Variants in ARHGAP24 observed in about 807,000 individuals in gnomAD.
ARHGAP24 encodes the protein Rho GTPase activating protein 24, also known as rho GTPase-activating protein 24.
ARHGAP24 carries 50 observed loss-of-function variants against 76.4 expected under a neutral mutation model. The ratio of observed to expected loss-of-function variants is 0.65; its 90% confidence interval spans 0.52 to 0.83. The LOEUF (loss-of-function observed/expected upper bound fraction) is 0.83, where lower values mean the gene tolerates loss of function less well. Ranked by LOEUF, ARHGAP24 falls within the 40% of genes least tolerant of loss-of-function variation. ARHGAP24 has a pLI of 0.00. For missense variants in ARHGAP24, 930 were observed against 914.2 expected (o/e 1.02, Z -0.22); for synonymous variants, 345 against 323.3 (o/e 1.07, Z -0.72).
chr4:85,997,307 T>TGATA (rs902963720), intron 9 of ARHGAP24, among the ~76,000 whole-genome samples: 10 of 147,998 alleles, frequency 6.8e-5, no homozygotes, highest in East Asian at 4.0e-4. Context: ...GGTAGGTAGA[T>TGATA]GATAGATAGA....
At chr4:85,770,152 AAG>A (rs1289310464) in intron 3 of ARHGAP24, among the ~76,000 whole-genome samples, 1 of 152,206 alleles carries the variant, frequency 6.6e-6, no homozygotes, top group African/African-American at 2.4e-5. Context: ...AATACAGACC[AAG>A]GAAGGGCCTC....
intron 5 of ARHGAP24, among the ~76,000 whole-genome samples, chr4:85,943,788 C>T (rs1737088340): frequency 6.6e-6 from 1 of 151,606 alleles, no homozygotes. Context: ...AGGACATGAA[C>T]TCATCCTTTT....
chr4:85,663,180 C>T lies in ARHGAP24; in HGVS notation c.181-58705C>T, dbSNP rs962892165. ...GAATGTTCTTCCATTTGTTTGTATC[C>T]TCTTTTATTTCATTGAGCAGTGGTT... On this transcript the variant is annotated intron_variant, in intron 2 of 9. Transcript: ENST00000395184. 4.1e-3 allele frequency among the ~76,000 whole-genome samples: 621 copies of T among 150,604 alleles called. 3 individuals carry two copies. Among genetic ancestry groups the T allele is most frequent in the African/African-American group, 0.014 (561 of 40,952 alleles).
chr4:85,581,531 G>C (rs1483501123), intron 2 of ARHGAP24, among the ~76,000 whole-genome samples: 1 of 152,124 alleles, frequency 6.6e-6, no homozygotes, highest in Admixed American at 6.6e-5. Flanking sequence ...CACTGACTTA[G>C]ACATGAGTTG....
At chr4:85,481,268 G>C (rs1381684890) in intron 1 of ARHGAP24, among the ~76,000 whole-genome samples, 1 of 152,148 alleles carries the variant, frequency 6.6e-6, no homozygotes, top group African/African-American at 2.4e-5. Flanking sequence ...AGTTACCCAA[G>C]GTAATGTAGA....
chr4:85,775,306 G>T (rs1727274212), intron 3 of ARHGAP24, among the ~76,000 whole-genome samples: 1 of 152,116 alleles, frequency 6.6e-6, no homozygotes, highest in South Asian at 2.1e-4. Context: ...GTGATAGCAG[G>T]TTAGGAAATT....
chr4:85,923,627 A>T, intron 3 of ARHGAP24, 21 bp from the exon 4 acceptor site: 1 of 1,613,366 alleles, frequency 6.2e-7, no homozygotes, highest in Non-Finnish European at 8.5e-7. Flanking sequence ...CTTCAGCTGC[A>T]TTGTTACTGT....
chr4:85,930,658 A>C, intron 4 of ARHGAP24: 3 of 1,112,280 alleles, frequency 2.7e-6, no homozygotes, highest in Non-Finnish European at 3.3e-6. Flanking sequence ...ACATTTTGGA[A>C]TGTCTGCAGA....
intron 5 of ARHGAP24, among the ~76,000 whole-genome samples, chr4:85,950,526 A>G (rs1263751011): frequency 6.6e-6 from 1 of 152,088 alleles, no homozygotes; most frequent in East Asian, 1.9e-4. Flanking sequence ...AAAATTAAAT[A>G]TAAAAGGAAG....
intron 5 of ARHGAP24, among the ~76,000 whole-genome samples, chr4:85,965,305 C>T (rs1381206109): frequency 6.6e-6 from 1 of 152,080 alleles, no homozygotes; most frequent in Non-Finnish European, 1.5e-5. Context: ...CATTCACTAT[C>T]ATGAGAACAG....
At chr4:85,749,153 C>T (rs1726160025) in intron 3 of ARHGAP24, among the ~76,000 whole-genome samples, 1 of 152,180 alleles carries the variant, frequency 6.6e-6, no homozygotes, top group Non-Finnish European at 1.5e-5. Context: ...TTGCAGAAGA[C>T]ACACAAATCT....
At chr4:85,755,210 CT>C (rs1192520296) in intron 3 of ARHGAP24, among the ~76,000 whole-genome samples, 1 of 151,956 alleles carries the variant, frequency 6.6e-6, no homozygotes, top group Non-Finnish European at 1.5e-5. Flanking sequence ...TAAAATGTAA[CT>C]TTTTTTTCTT....
intron 4 of ARHGAP24, among the ~76,000 whole-genome samples, chr4:85,933,511 A>G (rs346501): frequency 0.64 from 96,890 of 151,934 alleles, 32,646 homozygotes; most frequent in African/African-American, 0.85. Context: ...CTTTGTTTGG[A>G]TACTAATTAA....
intron 6 of ARHGAP24, 68 bp downstream of exon 6, chr4:85,972,236 A>G (rs1305413655): frequency 3.3e-5 from 53 of 1,596,004 alleles, no homozygotes; most frequent in Non-Finnish European, 4.3e-5. Context: ...TTAGTCTTAA[A>G]TCTGTAAATT....
intron 3 of ARHGAP24, among the ~76,000 whole-genome samples, chr4:85,898,047 AT>A (rs1448356000): frequency 6.8e-6 from 1 of 148,088 alleles, no homozygotes; most frequent in African/African-American, 2.5e-5. Flanking sequence ...ATATATATAT[AT>A]ATATATATAT....
rs57529011 is a variant in ARHGAP24, at chr4:85,695,993, A to G, written c.181-25892A>G. On this transcript the variant is annotated intron_variant, in intron 2 of 9. Coordinates refer to ENST00000395184, the MANE Select transcript of ARHGAP24 (RefSeq NM_001025616.3). Reference sequence around the variant, plus strand: ...CCAGAGGTATGAGCAGATTCCTTTCATCTATGTTTAGCCATACACAGATAA... The same window carrying G: ...CCAGAGGTATGAGCAGATTCCTTTCGTCTATGTTTAGCCATACACAGATAA... Among the ~76,000 whole-genome samples the G allele has an allele frequency of 1.8e-3, 267 of 152,262 alleles. 1 individual carries two copies. Among genetic ancestry groups the G allele is most frequent in the African/African-American group, 6.2e-3 (256 of 41,570 alleles).
At position 85,626,632 on chromosome 4, in the gene ARHGAP24, T is replaced by G. The variant is rs568073625; in HGVS notation, c.180+55911T>G. ...ATCTGAATGTTGGCCTGCCTTGCTATATTGGGGAAGTTCTCCTGGATAATA... is the reference window on the plus strand; with the variant it reads ...ATCTGAATGTTGGCCTGCCTTGCTAGATTGGGGAAGTTCTCCTGGATAATA... On this transcript the variant is annotated intron_variant, in intron 2 of 9. Coordinates refer to ENST00000395184, the MANE Select transcript of ARHGAP24 (RefSeq NM_001025616.3). Among the ~76,000 whole-genome samples the G allele has an allele frequency of 8.7e-3, 1,323 of 152,300 alleles. 22 individuals carry two copies. Among genetic ancestry groups the G allele is most frequent in the African/African-American group, 0.03 (1,244 of 41,554 alleles).
intron 3 of ARHGAP24, among the ~76,000 whole-genome samples, chr4:85,859,396 A>G (rs899306189): frequency 6.6e-6 from 1 of 152,158 alleles, no homozygotes; most frequent in Admixed American, 6.6e-5. Flanking sequence ...ATTTACTTAA[A>G]TAATGTTCAC....
At chr4:85,556,595 C>T (rs1467947149) in intron 1 of ARHGAP24, among the ~76,000 whole-genome samples, 1 of 152,188 alleles carries the variant, frequency 6.6e-6, no homozygotes, top group African/African-American at 2.4e-5. Context: ...AAATGCAGAG[C>T]CACCACTGAC....
Sources: gnomAD v4.1 joint callset for allele counts (sites outside exome capture counted in the v4.1 genomes callset) on GRCh38, gnomAD v4.1.1 for gene constraint, MANE v1.5 for transcripts, NCBI Gene and HGNC (gene_info 2026-07-23, HGNC 2026-07-21) for gene names.